ACYP2: variants seen among roughly 807,000 people sequenced by gnomAD.
ACYP2 encodes acylphosphatase-2.
ACYP2 carries 12 observed loss-of-function variants against 11.2 expected under a neutral mutation model. That is an observed-to-expected ratio of 1.08 (90% CI 0.69 to 1.74). The LOEUF is 1.74. Among genes scored for constraint, ACYP2 ranks in the 40% most tolerant of loss-of-function variants. ACYP2 has a pLI of 0.00. For synonymous variants in ACYP2, 43 were observed against 32.2 expected (o/e 1.33, Z -1.13); for missense variants, 134 against 101.9 (o/e 1.31, Z -1.35).
chr2:54,077,445 A>T (rs1436085213), intron 4 of ACYP2, among the ~76,000 whole-genome samples: 1 of 152,228 alleles, frequency 6.6e-6, no homozygotes, highest in East Asian at 1.9e-4. Context: ...AATTAATCTA[A>T]ATGCTAACTC....
chr2:54,285,582 T>C (rs1689046780), intron 6 of ACYP2, among the ~76,000 whole-genome samples: 4 of 152,242 alleles, frequency 2.6e-5, no homozygotes. Flanking sequence ...TGGCTAAGAC[T>C]GCTAGCTGTC....
intron 6 of ACYP2, among the ~76,000 whole-genome samples, chr2:54,265,946 CCTT>C (rs1283031601): frequency 1.3e-5 from 2 of 152,110 alleles, no homozygotes; most frequent in African/African-American, 4.8e-5. Flanking sequence ...AGAGAATACC[CCTT>C]CTTTTCACGT....
chr2:54,154,519 T>A (rs1682345619), intron 6 of ACYP2, among the ~76,000 whole-genome samples: 1 of 152,254 alleles, frequency 6.6e-6, no homozygotes, highest in Non-Finnish European at 1.5e-5. Flanking sequence ...TTTCTGCATC[T>A]AATGTGGTGA....
intron 6 of ACYP2, among the ~76,000 whole-genome samples, chr2:54,232,932 G>C (rs1015246445): frequency 1.3e-5 from 2 of 152,150 alleles, no homozygotes; most frequent in African/African-American, 4.8e-5. Flanking sequence ...GGGACACACA[G>C]CCAAGCCCTA....
chr2:54,202,255 C>T (rs999521418), intron 6 of ACYP2, among the ~76,000 whole-genome samples: 2 of 151,700 alleles, frequency 1.3e-5, no homozygotes, highest in Non-Finnish European at 2.9e-5. Context: ...ACTACAGGTG[C>T]GTGTCACCAT....
intron 2 of ACYP2, among the ~76,000 whole-genome samples, chr2:54,002,554 T>C (rs1672851666): frequency 6.6e-6 from 1 of 152,046 alleles, no homozygotes; most frequent in South Asian, 2.1e-4. Context: ...GGTTTCACCA[T>C]GTTGGCCAGG....
At chr2:54,141,093 T>C (rs958296409) in intron 6 of ACYP2, among the ~76,000 whole-genome samples, 1 of 152,262 alleles carries the variant, frequency 6.6e-6, no homozygotes, top group Non-Finnish European at 1.5e-5. Flanking sequence ...TCTGTGAATT[T>C]GTTCTCATGA....
rs922110378 is a variant in ACYP2, at chr2:53,973,703, C to T, written c.-36-10C>T. On this transcript the variant is annotated splice_polypyrimidine_tract_variant and intron_variant, in intron 1 of 6. Coordinates refer to ENST00000607452, the MANE Select transcript of ACYP2 (RefSeq NM_001320586.2). ...GTAATCCCAACACCCTTTGCTGACT[C>T]CTTTTTCAGACTCAGCCTGCCTGCA... The T allele has an allele frequency of 5.3e-5, 15 of 284,202 alleles. No homozygotes were observed. The highest frequency in any genetic ancestry group is 2.7e-4 in the African/African-American group (12 of 45,052). The allele number at this position is 284,202 out of a possible 1,614,324, so 17.6% of individuals were successfully genotyped here.
At chr2:54,032,022 ATTAGCCCTT>A (rs1324701109) in intron 2 of ACYP2, among the ~76,000 whole-genome samples, 1 of 152,096 alleles carries the variant, frequency 6.6e-6, no homozygotes, top group Non-Finnish European at 1.5e-5. Context: ...GATTCTGGAT[ATTAGCCCTT>A]TGTCAGATGA....
At chr2:54,251,606 C>T (rs1172300514) in intron 6 of ACYP2, among the ~76,000 whole-genome samples, 1 of 151,866 alleles carries the variant, frequency 6.6e-6, no homozygotes, top group Non-Finnish European at 1.5e-5. Flanking sequence ...TATTGGGAGA[C>T]AATTCTCCCA....
At chr2:53,971,468 T>G (rs539081522) in intron 1 of ACYP2, 73 of 152,380 alleles carry the variant, frequency 4.8e-4, no homozygotes, top group African/African-American at 1.7e-3. Flanking sequence ...CCCCTTTAAG[T>G]CCCCATCTTT....
intron 2 of ACYP2, among the ~76,000 whole-genome samples, chr2:54,002,507 G>A (rs546727050): frequency 4.0e-5 from 6 of 151,718 alleles, no homozygotes; most frequent in South Asian, 2.1e-4. Flanking sequence ...CACCATGCCC[G>A]GCTAATTTTT....
chr2:54,238,920 T>C (rs182045351), intron 6 of ACYP2, among the ~76,000 whole-genome samples: 47 of 151,748 alleles, frequency 3.1e-4, no homozygotes, highest in Admixed American at 7.2e-4. Context: ...GCCTATTTTT[T>C]TGTGGTTGGC....
chr2:54,224,385 G>T (rs1380340196), intron 6 of ACYP2, among the ~76,000 whole-genome samples: 1 of 152,222 alleles, frequency 6.6e-6, no homozygotes, highest in Non-Finnish European at 1.5e-5. Context: ...GGATGCGGGG[G>T]TTGTCCCCCT....
chr2:54,044,465 G>C (rs1255013564), intron 2 of ACYP2, among the ~76,000 whole-genome samples: 2 of 151,144 alleles, frequency 1.3e-5, no homozygotes, highest in African/African-American at 4.9e-5. Context: ...AAAAAGCCAA[G>C]TGTGGTGGCA....
At chr2:54,021,610 G>A (rs181179261) in intron 2 of ACYP2, among the ~76,000 whole-genome samples, 13 of 152,266 alleles carry the variant, frequency 8.5e-5, no homozygotes, top group East Asian at 3.9e-4. Context: ...GCTCTGAAGC[G>A]CAAAAGTGGG....
intron 4 of ACYP2, among the ~76,000 whole-genome samples, chr2:54,106,126 A>G (rs1187175663): frequency 6.6e-6 from 1 of 152,250 alleles, no homozygotes; most frequent in Non-Finnish European, 1.5e-5. Flanking sequence ...TCATGGACTC[A>G]AAAGGAAATC....
At chr2:54,065,726 G>A (rs1676709998) in intron 4 of ACYP2, 1 of 385,002 alleles carries the variant, frequency 2.6e-6, no homozygotes, top group South Asian at 1.4e-4. Context: ...GCCGGAAAGT[G>A]ATATGAAGCA....
At position 54,051,013 on chromosome 2, in the gene ACYP2, T is replaced by TATAG; in HGVS notation, c.118_119insATAG (p.Ser40TyrfsTer16). 1 of 457,044 alleles carries TATAG rather than the reference T, an allele frequency of 2.2e-6. No individual in the cohort carries two copies. Among genetic ancestry groups the TATAG allele is most frequent in the Non-Finnish European group, 3.8e-6 (1 of 261,626 alleles). 28.3% of individuals were successfully genotyped at this position (457,044 alleles called of 1,614,324 possible). A position where few individuals can be genotyped will look rare whatever the true frequency, so the allele number is the denominator to read the frequency against. The stretch of plus-strand genomic sequence containing the variant: ...TTCTAGAACTCCTAATGTCAAGCTA[T>TATAG]CCTCCTGCCTCGGCCTCCCATGCTG... On this transcript the variant is annotated frameshift_variant, in exon 3 of 7. Transcript: ENST00000607452. LOFTEE classifies it high-confidence loss of function.
Sources: gnomAD v4.1 joint callset for allele counts (sites outside exome capture counted in the v4.1 genomes callset) on GRCh38, gnomAD v4.1.1 for gene constraint, MANE v1.5 for transcripts, NCBI Gene and HGNC (gene_info 2026-07-23, HGNC 2026-07-21) for gene names.